Variants in CEP89 observed in about 807,000 individuals in gnomAD.
CEP89 encodes the protein centrosomal protein of 89 kDa.
In CEP89, 95 loss-of-function variants were observed where a neutral mutation model predicts 97.6. That is an observed-to-expected ratio of 0.97 (90% CI 0.82 to 1.15). CEP89 has a LOEUF of 1.15. CEP89 is among the 50% of genes most tolerant of loss of function. CEP89 has a pLI of 0.00. For missense variants in CEP89, 869 were observed against 947.7 expected, an observed-to-expected ratio of 0.92 and a Z score of 1.09; for synonymous variants, 354 against 349.1, an observed-to-expected ratio of 1.01 and a Z score of -0.16.
intron 3 of CEP89, among the ~76,000 whole-genome samples, chr19:32,955,929 A>G (rs1971037583): frequency 6.6e-6 from 1 of 152,200 alleles, no homozygotes; most frequent in Non-Finnish European, 1.5e-5. Context: ...AAACTTGCCA[A>G]AACAACTTAA....
intron 5 of CEP89, among the ~76,000 whole-genome samples, chr19:32,944,407 T>C (rs1384384639): frequency 3.9e-5 from 6 of 152,030 alleles, no homozygotes; most frequent in East Asian, 1.9e-4. Context: ...GACGGGTGGA[T>C]GCCCAGGAAG....
intron 14 of CEP89, 53 bp downstream of exon 14, chr19:32,915,284 C>T (rs1306035228): frequency 3.4e-6 from 5 of 1,462,822 alleles, no homozygotes; most frequent in African/African-American, 1.4e-5. Flanking sequence ...CATAGCAAGA[C>T]CCTGTCTCGA....
intron 9 of CEP89, among the ~76,000 whole-genome samples, chr19:32,927,481 T>C (rs1194991911): frequency 6.6e-6 from 1 of 152,180 alleles, no homozygotes; most frequent in Non-Finnish European, 1.5e-5. Flanking sequence ...TATAATACTA[T>C]TTTTTAACCT....
intron 11 of CEP89, among the ~76,000 whole-genome samples, chr19:32,924,145 C>A (rs1386266137): frequency 1.3e-5 from 2 of 151,772 alleles, no homozygotes; most frequent in African/African-American, 4.8e-5. Context: ...ACCTGTACTA[C>A]TATGCCTGGC....
rs1969191054 is a variant in CEP89, at chr19:32,877,230, T to A, written c.*1932A>T. 6.6e-6 allele frequency: 1 copy of A among 152,228 alleles called. No homozygotes were observed. Among genetic ancestry groups the A allele is most frequent in the Non-Finnish European group, 1.5e-5 (1 of 68,048 alleles). The allele number at this position is 152,228 out of a possible 1,614,324, so 9.4% of individuals were successfully genotyped here. On this transcript the variant is annotated 3_prime_UTR_variant, in exon 19 of 19. Transcript: ENST00000305768. ...AGCTTATAGAGTCATAAAAGAACTATGATTTTCTATCTCACCCTTCCGTCT... is the reference window on the plus strand; with the variant it reads ...AGCTTATAGAGTCATAAAAGAACTAAGATTTTCTATCTCACCCTTCCGTCT...
chr19:32,901,495 T>C (rs1969770155), intron 14 of CEP89, 83 bp from the exon 15 acceptor site: 11 of 1,415,922 alleles, frequency 7.8e-6, no homozygotes, highest in Non-Finnish European at 1.1e-5. Context: ...AGATGAGTGA[T>C]AACAGCCCAG....
chr19:32,898,775 G>A (rs764280574), intron 16 of CEP89, among the ~76,000 whole-genome samples: 1 of 151,676 alleles, frequency 6.6e-6, no homozygotes, highest in African/African-American at 2.4e-5. Context: ...CCAGCTACTC[G>A]GGAGGCTGAG....
At chr19:32,903,954 G>C (rs1469757294) in intron 14 of CEP89, among the ~76,000 whole-genome samples, 1 of 152,190 alleles carries the variant, frequency 6.6e-6, no homozygotes, top group East Asian at 1.9e-4. Context: ...AAGGCCAGGA[G>C]TTTGAGACCA....
Position 32,918,243 on chromosome 19 carries a change from G to A in CEP89, c.1365C>T (p.His455=), listed in dbSNP as rs760055853. The change falls in exon 13 of 19, where the codon CAC becomes CAT. Residue 455 remains histidine, a synonymous_variant. Coordinates refer to ENST00000305768, the MANE Select transcript of CEP89 (RefSeq NM_032816.5). The stretch of plus-strand genomic sequence containing the variant: ...CCTCACCTTCTTGGAGGCGCTCCTG[G>A]TGGCTGTCCTTGGCTTTCCTTTGCT... ...EIQQRKAKDS[H]QERLQEVSKL... 2 of 1,614,058 alleles carry A rather than the reference G, an allele frequency of 1.2e-6. No homozygotes were observed. The highest frequency in any genetic ancestry group is 2.2e-5 in the East Asian group (1 of 44,884).
At chr19:32,932,397 A>G (rs1970495221) in intron 8 of CEP89, among the ~76,000 whole-genome samples, 2 of 152,170 alleles carry the variant, frequency 1.3e-5, no homozygotes, top group African/African-American at 4.8e-5. Context: ...ACACCACCTT[A>G]CTTAAAGCTA....
chr19:32,910,321 G>C (rs1440706714), intron 14 of CEP89, among the ~76,000 whole-genome samples: 3 of 151,964 alleles, frequency 2.0e-5, no homozygotes, highest in African/African-American at 7.2e-5. Flanking sequence ...GAGGGAGAGA[G>C]AGAGAGAGAG....
At chr19:32,915,809 T>C (rs4805822) in intron 13 of CEP89, among the ~76,000 whole-genome samples, 136,761 of 151,506 alleles carry the variant, frequency 0.9, 61,903 homozygotes, top group African/African-American at 0.98. Context: ...ATCCCAGCTA[T>C]TCAGGAGGCT....
At chr19:32,886,812 G>A (rs976642858) in intron 17 of CEP89, among the ~76,000 whole-genome samples, 1 of 150,912 alleles carries the variant, frequency 6.6e-6, no homozygotes, top group African/African-American at 2.4e-5. Context: ...CTTCCATGCC[G>A]AGTCCCCTCA....
chr19:32,885,664 T>C (rs1969379508), intron 17 of CEP89, among the ~76,000 whole-genome samples: 2 of 152,228 alleles, frequency 1.3e-5, no homozygotes, highest in South Asian at 4.1e-4. Flanking sequence ...GTCAATTTTC[T>C]GGGTCCATTC....
chr19:32,939,762 A>C, intron 6 of CEP89, 95 bp downstream of exon 6: 1 of 610,698 alleles, frequency 1.6e-6, no homozygotes, highest in Non-Finnish European at 2.9e-6. Context: ...AATCACCGCC[A>C]AAGTTTCAAC....
intron 6 of CEP89, among the ~76,000 whole-genome samples, 181 bp downstream of exon 6, chr19:32,939,676 C>CAA (rs34993676): frequency 8.4e-6 from 1 of 119,644 alleles, no homozygotes. Flanking sequence ...ACCCCCTTCT[C>CAA]AAAAAAAAAA....
chr19:32,926,303 A>C (rs761025395), intron 10 of CEP89, 30 bp from the exon 11 acceptor site: 9 of 1,505,786 alleles, frequency 6.0e-6, no homozygotes, highest in Admixed American at 3.5e-5. Context: ...GAAGGTTAAT[A>C]TATTTCTTAC....
At position 32,882,064 on chromosome 19, in the gene CEP89, G is replaced by A. The variant is rs1969295889; in HGVS notation, c.1966-51C>T. 6 of 1,489,282 alleles carry A rather than the reference G, an allele frequency of 4.0e-6. No individual in the cohort carries two copies. In the African/African-American group the frequency reaches 4.2e-5, roughly 10 times the overall value. 92.3% of individuals were successfully genotyped at this position (1,489,282 alleles called of 1,614,324 possible). Reference sequence around the variant, plus strand: ...TGAGGGGACGCTGCCAGGCCAGGGTGGACAGTGCCTCCTGGCTGTGCTCCC... The same window carrying A: ...TGAGGGGACGCTGCCAGGCCAGGGTAGACAGTGCCTCCTGGCTGTGCTCCC... On this transcript the variant is annotated intron_variant, in intron 17 of 18. Coordinates refer to ENST00000305768, the MANE Select transcript of CEP89 (RefSeq NM_032816.5).
chr19:32,930,231 T>G (rs75553054), intron 9 of CEP89, among the ~76,000 whole-genome samples: 4,202 of 152,042 alleles, frequency 0.028, 208 homozygotes, highest in African/African-American at 0.097. Flanking sequence ...ATTCACCATG[T>G]TGGTCAGGCT....
Sources: gnomAD v4.1 joint callset for allele counts (sites outside exome capture counted in the v4.1 genomes callset) on GRCh38, gnomAD v4.1.1 for gene constraint, MANE v1.5 for transcripts, NCBI Gene and HGNC (gene_info 2026-07-23, HGNC 2026-07-21) for gene names.